Variants in WHRN observed in about 807,000 individuals in gnomAD.
WHRN encodes the protein whirlin, also known as CASK-interacting protein CIP98.
WHRN carries 41 observed loss-of-function variants against 68.3 expected under a neutral mutation model. The ratio of observed to expected loss-of-function variants is 0.60; its 90% CI spans 0.47 to 0.78. The LOEUF (loss-of-function observed/expected upper bound fraction) is 0.78. WHRN is among the 30% of genes least tolerant of loss of function. WHRN has a pLI of 0.00. For missense variants in WHRN, 1,243 were observed against 1,244.7 expected (o/e 1.00, Z 0.02); for synonymous variants, 560 against 561.3 (o/e 1.00, Z 0.03).
chr9:114,422,961 G>A (rs1836443296), intron 7 of WHRN, among the ~76,000 whole-genome samples: 2 of 152,056 alleles, frequency 1.3e-5, no homozygotes, highest in African/African-American at 4.8e-5. Context: ...CAGCGGGAGT[G>A]GGCACCATGC....
intron 3 of WHRN, among the ~76,000 whole-genome samples, chr9:114,430,663 T>C (rs1837339013): frequency 6.6e-6 from 1 of 152,208 alleles, no homozygotes; most frequent in African/African-American, 2.4e-5. Flanking sequence ...CGAGTCACAT[T>C]GTCCTCATGC....
intron 4 of WHRN, chr9:114,425,908 G>T (rs900989149): frequency 4.5e-6 from 2 of 447,412 alleles, no homozygotes; most frequent in Admixed American, 3.4e-5. Context: ...GATCTGGGAT[G>T]AGGGCAGGGT....
At chr9:114,492,442 A>G (rs186933302) in intron 1 of WHRN, among the ~76,000 whole-genome samples, 119 of 152,382 alleles carry the variant, frequency 7.8e-4, no homozygotes, top group Admixed American at 3.3e-3. Flanking sequence ...CAATCATTAA[A>G]AAATCACAGT....
chr9:114,426,130 T>C (rs1589112748), intron 4 of WHRN, 81 bp downstream of exon 4: 1 of 1,584,084 alleles, frequency 6.3e-7, no homozygotes, highest in East Asian at 2.2e-5. Context: ...GCCAGGGCGG[T>C]GGAGGGATGG....
At chr9:114,489,516 GCACACACA>G (rs67518088) in intron 1 of WHRN, among the ~76,000 whole-genome samples, 42 of 151,078 alleles carry the variant, frequency 2.8e-4, no homozygotes, top group Non-Finnish European at 2.8e-4. Flanking sequence ...ACACACGCGT[GCACACACA>G]CACACACACA....
chr9:114,504,514 C>T lies in WHRN; in HGVS notation c.288G>A (p.Leu96=). 2 of 1,609,812 alleles carry T rather than the reference C, an allele frequency of 1.2e-6. No homozygotes were observed. Among genetic ancestry groups the T allele is most frequent in the Non-Finnish European group, 8.5e-7 (1 of 1,179,804 alleles). The part of the protein sequence containing the change: ...VKRRLLPMLR[L]VIPRSDQLLF... ...GCAGCTGGTCGGAGCGCGGGATGAC[C>T]AGACGAAGCATGGGCAGCAGGCGCC... Residue 96 remains leucine, a synonymous_variant, in exon 1 of 12, where the codon CTG becomes CTA. Coordinates refer to ENST00000362057, the MANE Select transcript of WHRN (RefSeq NM_015404.4).
chr9:114,445,674 A>T (rs1838759659), intron 3 of WHRN, among the ~76,000 whole-genome samples: 1 of 152,110 alleles, frequency 6.6e-6, no homozygotes, highest in South Asian at 2.1e-4. Context: ...CCCTCGGTAG[A>T]TATGCCGTGC....
At chr9:114,491,349 G>A (rs1041519144) in intron 1 of WHRN, among the ~76,000 whole-genome samples, 1 of 152,174 alleles carries the variant, frequency 6.6e-6, no homozygotes, top group Non-Finnish European at 1.5e-5. Context: ...CTCGGCCGAT[G>A]TCTGAAAAAT....
At chr9:114,464,786 G>A (rs180724608) in intron 3 of WHRN, among the ~76,000 whole-genome samples, 118 of 151,590 alleles carry the variant, frequency 7.8e-4, no homozygotes, top group African/African-American at 2.7e-3. Context: ...GGAAAGGGGA[G>A]ATATGGTAGA....
chr9:114,460,948 C>T (rs538211689), intron 3 of WHRN, among the ~76,000 whole-genome samples: 3 of 152,328 alleles, frequency 2.0e-5, no homozygotes, highest in South Asian at 2.1e-4. Flanking sequence ...ATTAATCAGT[C>T]CTGGATGCCC....
intron 1 of WHRN, among the ~76,000 whole-genome samples, chr9:114,489,908 T>C (rs200082438): frequency 1.8e-5 from 1 of 56,146 alleles, no homozygotes; most frequent in African/African-American, 3.6e-5. Context: ...TAAGAACACA[T>C]GTCATTTGTA....
chr9:114,404,865 G>A (rs1564114375), intron 9 of WHRN, among the ~76,000 whole-genome samples: 2 of 152,114 alleles, frequency 1.3e-5, no homozygotes, highest in Non-Finnish European at 1.5e-5. Flanking sequence ...CCTGGCTCCA[G>A]GGTGTGGGTT....
chr9:114,500,124 C>A (rs1564240832), intron 1 of WHRN, among the ~76,000 whole-genome samples: 2 of 152,260 alleles, frequency 1.3e-5, no homozygotes, highest in African/African-American at 2.4e-5. Flanking sequence ...ATATACAAGA[C>A]TAAATTAAAG....
intron 7 of WHRN, among the ~76,000 whole-genome samples, chr9:114,412,694 C>T (rs1331338074): frequency 6.6e-6 from 1 of 152,228 alleles, no homozygotes; most frequent in Non-Finnish European, 1.5e-5. Flanking sequence ...GAAAAGAACC[C>T]CTTATTTCCT....
chr9:114,466,911 C>T (rs546006376), intron 2 of WHRN, among the ~76,000 whole-genome samples: 77 of 151,588 alleles, frequency 5.1e-4, no homozygotes, highest in African/African-American at 1.8e-3. Context: ...GTCTGCCTCC[C>T]CAGGGGTCTC....
intron 7 of WHRN, among the ~76,000 whole-genome samples, chr9:114,415,114 T>C (rs1339974476): frequency 6.6e-6 from 1 of 151,984 alleles, no homozygotes; most frequent in Non-Finnish European, 1.5e-5. Flanking sequence ...TTGGGCAACA[T>C]AGTGAGACCC....
intron 1 of WHRN, among the ~76,000 whole-genome samples, chr9:114,482,142 G>A (rs988884124): frequency 6.6e-6 from 1 of 152,180 alleles, no homozygotes; most frequent in Non-Finnish European, 1.5e-5. Context: ...TGCCTGGTGA[G>A]AGACAAGGCA....
chr9:114,491,006 TTTTC>T (rs1218596795), intron 1 of WHRN, among the ~76,000 whole-genome samples: 1 of 152,272 alleles, frequency 6.6e-6, no homozygotes, highest in African/African-American at 2.4e-5. Flanking sequence ...TATTCTTTTT[TTTTC>T]TTTAAGGAAG....
chr9:114,426,111 G>T (rs1836827892), intron 4 of WHRN, 100 bp downstream of exon 4: 9 of 1,513,528 alleles, frequency 5.9e-6, no homozygotes, highest in Non-Finnish European at 8.2e-6. Context: ...ACTGCAGGCT[G>T]AGAGGAGAGC....
Sources: gnomAD v4.1 joint callset for allele counts (sites outside exome capture counted in the v4.1 genomes callset) on GRCh38, gnomAD v4.1.1 for gene constraint, MANE v1.5 for transcripts, NCBI Gene and HGNC (gene_info 2026-07-23, HGNC 2026-07-21) for gene names.